Variants in PGM1 observed in about 807,000 individuals in gnomAD.
PGM1 encodes phosphoglucomutase-1.
Under a neutral mutation model 55.6 loss-of-function variants are expected in PGM1, and 52 were observed. The ratio of observed to expected loss-of-function variants is 0.94; its 90% CI spans 0.75 to 1.18. The LOEUF is 1.18. Ranked by LOEUF, PGM1 falls within the 50% of genes most tolerant of loss-of-function variation. The probability of loss-of-function intolerance (pLI) is 0.00; values close to 1 mark genes in which losing one functional copy is unlikely to be tolerated. For missense variants in PGM1, 724 were observed against 729.3 expected (o/e 0.99, Z 0.08); for synonymous variants, 287 against 271.7 (o/e 1.06, Z -0.55).
intron 1 of PGM1, among the ~76,000 whole-genome samples, chr1:63,626,634 C>T (rs1374676097): frequency 6.6e-6 from 1 of 151,644 alleles, no homozygotes; most frequent in Non-Finnish European, 1.5e-5. Flanking sequence ...AAAAATTATC[C>T]TATATATGTC....
intron 1 of PGM1, among the ~76,000 whole-genome samples, chr1:63,607,567 TG>T (rs1648455417): frequency 6.6e-6 from 1 of 152,200 alleles, no homozygotes; most frequent in South Asian, 2.1e-4. Context: ...GTGTCTTTCT[TG>T]GCAGACTCTC....
chr1:63,602,242 A>G (rs1648264096), intron 1 of PGM1, among the ~76,000 whole-genome samples: 1 of 152,226 alleles, frequency 6.6e-6, no homozygotes, highest in East Asian at 1.9e-4. Flanking sequence ...CTTTTAATAT[A>G]TGAGTACTGA....
chr1:63,605,197 G>A (rs1478251832), intron 1 of PGM1, among the ~76,000 whole-genome samples: 2 of 152,122 alleles, frequency 1.3e-5, no homozygotes, highest in South Asian at 2.1e-4. Context: ...TTTTGGGGCT[G>A]TACAGCTTAT....
At chr1:63,599,338 G>A (rs2100954627) in intron 1 of PGM1, among the ~76,000 whole-genome samples, 1 of 152,072 alleles carries the variant, frequency 6.6e-6, no homozygotes, top group East Asian at 1.9e-4. Context: ...GCTAATTTTT[G>A]TATTTTTAGT....
chr1:63,640,858 C>G (rs1254359592), intron 7 of PGM1, among the ~76,000 whole-genome samples: 1 of 152,196 alleles, frequency 6.6e-6, no homozygotes, highest in Non-Finnish European at 1.5e-5. Context: ...GCCAGTGCCA[C>G]TCTTAGAAGG....
chr1:63,631,154 C>T (rs1352365786), intron 3 of PGM1, among the ~76,000 whole-genome samples: 3 of 152,058 alleles, frequency 2.0e-5, no homozygotes, highest in Non-Finnish European at 4.4e-5. Flanking sequence ...TTAAGCAGTA[C>T]CTGTGAAAAG....
chr1:63,632,621 G>T (rs1314774624), intron 4 of PGM1, among the ~76,000 whole-genome samples: 1 of 152,214 alleles, frequency 6.6e-6, no homozygotes, highest in Non-Finnish European at 1.5e-5. Flanking sequence ...GATGTGTATT[G>T]CATACCTGCA....
intron 1 of PGM1, among the ~76,000 whole-genome samples, chr1:63,594,896 G>A (rs1213508247): frequency 6.7e-6 from 1 of 148,358 alleles, no homozygotes; most frequent in Non-Finnish European, 1.5e-5. Context: ...GGGAGGCGGA[G>A]CTTGCAGTGA....
chr1:63,594,119 G>A, intron 1 of PGM1: 4 of 1,006,642 alleles, frequency 4.0e-6, no homozygotes, highest in Non-Finnish European at 4.7e-6. Flanking sequence ...TTACGGCGCA[G>A]AGTGCTGTCG....
At chr1:63,608,097 G>A (rs534192960) in intron 1 of PGM1, among the ~76,000 whole-genome samples, 26 of 151,994 alleles carry the variant, frequency 1.7e-4, no homozygotes, top group Non-Finnish European at 2.6e-4. Flanking sequence ...TGTTTCCCAA[G>A]GTGATTGTTT....
chr1:63,617,196 G>A (rs1364501277), intron 1 of PGM1, among the ~76,000 whole-genome samples: 5 of 152,192 alleles, frequency 3.3e-5, no homozygotes, highest in Non-Finnish European at 5.9e-5. Flanking sequence ...CAAAGGAGAA[G>A]GGGAGGAAGT....
At chr1:63,654,945 C>T (rs1649919792) in intron 10 of PGM1, among the ~76,000 whole-genome samples, 4 of 150,586 alleles carry the variant, frequency 2.7e-5, no homozygotes, top group Non-Finnish European at 5.9e-5. Flanking sequence ...GTTTACATGC[C>T]TAGTAAGGAT....
At position 63,593,512 on chromosome 1, in the gene PGM1, GACCCAGGCGT is replaced by G. The variant is rs759220275; in HGVS notation, c.28_37del (p.Gln10ArgfsTer14). ...CCATGGTGAAGATCGTGACAGTTAA[GACCCAGGCGT>G]ACCAGGACCAGAAGCCGGGCACGAG... On this transcript the variant is annotated frameshift_variant, in exon 1 of 11. Coordinates refer to ENST00000371084, the MANE Select transcript of PGM1 (RefSeq NM_002633.3). LOFTEE classifies it high-confidence loss of function. 3.7e-6 allele frequency: 6 copies of G among 1,613,852 alleles called. No homozygotes were observed. The highest frequency in any genetic ancestry group is 5.1e-6 in the Non-Finnish European group (6 of 1,179,926).
chr1:63,633,947 T>TATA (rs1557433847), intron 4 of PGM1, among the ~76,000 whole-genome samples: 2 of 119,762 alleles, frequency 1.7e-5, no homozygotes, highest in African/African-American at 6.6e-5. Flanking sequence ...TTTTTTTTTT[T>TATA]TTTTTTTTTT....
chr1:63,636,156 TA>T, intron 5 of PGM1, 77 bp from the exon 6 acceptor site: 1 of 1,364,844 alleles, frequency 7.3e-7, no homozygotes, highest in Non-Finnish European at 1.0e-6. Flanking sequence ...TTACATTTTA[TA>T]AAACCCCCAT....
At chr1:63,626,380 A>G (rs1570490547) in intron 1 of PGM1, among the ~76,000 whole-genome samples, 1 of 151,200 alleles carries the variant, frequency 6.6e-6, no homozygotes, top group Admixed American at 6.6e-5. Context: ...CCCCATTTCC[A>G]CTCCCACCAG....
intron 7 of PGM1, among the ~76,000 whole-genome samples, chr1:63,644,192 C>T (rs766506746): frequency 6.6e-6 from 1 of 152,204 alleles, no homozygotes; most frequent in Non-Finnish European, 1.5e-5. Context: ...GTGCTTATCA[C>T]AAGGTGCTGA....
At chr1:63,609,149 G>C (rs1557704657) in intron 1 of PGM1, among the ~76,000 whole-genome samples, 1 of 152,182 alleles carries the variant, frequency 6.6e-6, no homozygotes, top group African/African-American at 2.4e-5. Context: ...CTGTCAGGCA[G>C]AGGTTCACAG....
At chr1:63,594,998 G>A (rs1648017511) in intron 1 of PGM1, among the ~76,000 whole-genome samples, 2 of 150,420 alleles carry the variant, frequency 1.3e-5, no homozygotes, top group Admixed American at 1.3e-4. Flanking sequence ...GGATTGATAA[G>A]TTGGGGCTAA....
Sources: gnomAD v4.1 joint callset for allele counts (sites outside exome capture counted in the v4.1 genomes callset) on GRCh38, gnomAD v4.1.1 for gene constraint, MANE v1.5 for transcripts, NCBI Gene and HGNC (gene_info 2026-07-23, HGNC 2026-07-21) for gene names.